Variants in EXTL3 observed in about 807,000 individuals in gnomAD.
The protein encoded by EXTL3 is exostosin like glycosyltransferase 3.
Under a neutral mutation model 69.3 loss-of-function variants are expected in EXTL3, and 27 were observed. The observed-to-expected ratio is 0.39, with a 90% CI of 0.29 to 0.54. The LOEUF is 0.54. Among genes scored for constraint, EXTL3 ranks in the 20% least tolerant of loss-of-function variants. The pLI, the probability that EXTL3 is intolerant of heterozygous loss-of-function variation, is 0.69. For missense variants in EXTL3, 1,003 were observed against 1,231.8 expected (o/e 0.81, Z 2.78); for synonymous variants, 511 against 499.4 (o/e 1.02, Z -0.31).
intron 1 of EXTL3, among the ~76,000 whole-genome samples, chr8:28,650,281 G>T (rs1044977972): frequency 2.0e-5 from 3 of 151,240 alleles, no homozygotes; most frequent in Admixed American, 1.3e-4. Flanking sequence ...TCTGTGATTG[G>T]TGTGAGGTAG....
chr8:28,738,481 A>G (rs568779563), intron 5 of EXTL3, among the ~76,000 whole-genome samples: 11 of 152,324 alleles, frequency 7.2e-5, no homozygotes, highest in Non-Finnish European at 1.5e-4. Flanking sequence ...TTTACTTTTT[A>G]ACGATGTAGC....
chr8:28,718,250 A>G, intron 3 of EXTL3, 43 bp downstream of exon 3: 1 of 1,581,252 alleles, frequency 6.3e-7, no homozygotes, highest in South Asian at 1.1e-5. Context: ...ATGAAATAGT[A>G]TTTCACTCTT....
chr8:28,694,645 G>T (rs1800659812), intron 1 of EXTL3, among the ~76,000 whole-genome samples: 1 of 149,494 alleles, frequency 6.7e-6, no homozygotes, highest in African/African-American at 2.4e-5. Context: ...GACTAATAAT[G>T]GTCCTTATTG....
chr8:28,719,579 A>G (rs1213257548), intron 3 of EXTL3, among the ~76,000 whole-genome samples: 2 of 152,214 alleles, frequency 1.3e-5, no homozygotes, highest in African/African-American at 4.8e-5. Context: ...TTATAATTAG[A>G]AGCTATTCAA....
intron 1 of EXTL3, among the ~76,000 whole-genome samples, chr8:28,626,092 A>C (rs1806486536): frequency 6.8e-6 from 1 of 146,670 alleles, no homozygotes; most frequent in South Asian, 2.2e-4. Flanking sequence ...GGATCTCTTG[A>C]GTCCAGGAGG....
intron 1 of EXTL3, among the ~76,000 whole-genome samples, chr8:28,657,769 A>G (rs1396693028): frequency 6.6e-6 from 1 of 152,184 alleles, no homozygotes; most frequent in Non-Finnish European, 1.5e-5. Flanking sequence ...ACTTGAAGCC[A>G]GTAGCATTCA....
intron 1 of EXTL3, among the ~76,000 whole-genome samples, chr8:28,634,740 G>A (rs1414460164): frequency 5.9e-5 from 9 of 152,060 alleles, no homozygotes; most frequent in African/African-American, 1.9e-4. Context: ...GATTACAGGC[G>A]TGCACCACCA....
chr8:28,698,525 G>C (rs1800720048), upstream of EXTL3: 1 of 152,214 alleles, frequency 6.6e-6, no homozygotes, highest in Non-Finnish European at 1.5e-5. Flanking sequence ...CTTATTGCCT[G>C]GCAATTAAGT....
rs779860461 is a variant in EXTL3 at position 28,716,990 on chromosome 8, G to A, written c.931G>A (p.Gly311Ser). The A allele has an allele frequency of 1.9e-6, 3 of 1,614,220 alleles. No individual in the cohort carries two copies. The highest frequency in any genetic ancestry group is 1.7e-5 in the Admixed American group (1 of 60,030). Residue 311 changes from glycine (G) to serine (S), a missense_variant, in exon 3 of 7, where the codon GGC (glycine) becomes AGC (serine). By Grantham distance (56) the Gly-to-Ser change is moderately conservative. This residue lies in a region of EXTL3 where 742 missense variants were observed against 815.4 expected (regional missense o/e 0.91). Coordinates refer to ENST00000220562, the MANE Select transcript of EXTL3 (RefSeq NM_001440.4). This position sits in a 1 kb window ranked among gnomAD's most constrained non-coding sequence, Gnocchi z 7.1. ...STFYTVQYRP[G>S]FDLVVSPLVH... Reference sequence around the variant, plus strand: ...CTTCTACACTGTCCAGTACAGACCTGGCTTTGACTTGGTCGTATCACCGCT... The same window carrying A: ...CTTCTACACTGTCCAGTACAGACCTAGCTTTGACTTGGTCGTATCACCGCT...
chr8:28,751,774 C>G lies in EXTL3; in HGVS notation c.*908C>G, dbSNP rs1358493593. 1 of 152,298 alleles carries G rather than the reference C, an allele frequency of 6.6e-6. No homozygotes were observed. Among genetic ancestry groups the G allele is most frequent in the East Asian group, 1.9e-4 (1 of 5,198 alleles). 9.4% of individuals were successfully genotyped at this position (152,298 alleles called of 1,614,324 possible). On this transcript the variant is annotated 3_prime_UTR_variant, in exon 7 of 7. Coordinates refer to ENST00000220562, the MANE Select transcript of EXTL3 (RefSeq NM_001440.4). ...AGATGGCTCTTTCTATCCTGCTCTT[C>G]TGTTGAAACACACGTGCTGTGGGCC... is the stretch of plus-strand genomic sequence containing the variant.
At chr8:28,650,245 TAC>T (rs1299181530) in intron 1 of EXTL3, among the ~76,000 whole-genome samples, 3 of 151,912 alleles carry the variant, frequency 2.0e-5, no homozygotes, top group Non-Finnish European at 4.4e-5. Context: ...GGCCTCTCTT[TAC>T]CTCTCCCCAA....
intron 1 of EXTL3, among the ~76,000 whole-genome samples, chr8:28,712,849 C>CTT: frequency 6.6e-6 from 1 of 152,324 alleles, no homozygotes; most frequent in South Asian, 2.1e-4. Context: ...AAATATTAGA[C>CTT]TAACTATAGT....
chr8:28,666,546 C>T (rs1055289603), intron 1 of EXTL3, among the ~76,000 whole-genome samples: 2 of 152,016 alleles, frequency 1.3e-5, no homozygotes, highest in African/African-American at 2.4e-5. Flanking sequence ...GGACTATAGG[C>T]GTGCTTACGC....
intron 2 of EXTL3, among the ~76,000 whole-genome samples, chr8:28,714,799 C>T (rs1161457823): frequency 6.6e-6 from 1 of 152,244 alleles, no homozygotes; most frequent in Non-Finnish European, 1.5e-5. Flanking sequence ...CTCCCATCCA[C>T]TGCACTTTGT....
At chr8:28,659,735 C>T (rs1807077155) in intron 1 of EXTL3, among the ~76,000 whole-genome samples, 1 of 152,168 alleles carries the variant, frequency 6.6e-6, no homozygotes, top group African/African-American at 2.4e-5. Context: ...AGCAAGAGAA[C>T]AAAGAGCTGC....
chr8:28,620,622 T>C (rs1806398405), upstream of EXTL3, among the ~76,000 whole-genome samples: 1 of 152,258 alleles, frequency 6.6e-6, no homozygotes, highest in Non-Finnish European at 1.5e-5. Context: ...ATCTCGCAGT[T>C]AAACTGGAAA....
chr8:28,625,069 TA>T (rs1241021834), intron 1 of EXTL3, among the ~76,000 whole-genome samples: 1 of 152,220 alleles, frequency 6.6e-6, no homozygotes, highest in African/African-American at 2.4e-5. Context: ...AGGTAAACTT[TA>T]AAAACTGACC....
intron 1 of EXTL3, among the ~76,000 whole-genome samples, chr8:28,661,317 G>C (rs1405448917): frequency 6.6e-6 from 1 of 151,592 alleles, no homozygotes; most frequent in Non-Finnish European, 1.5e-5. Flanking sequence ...TTCATGTTGA[G>C]GCTTTATGTA....
chr8:28,727,900 A>G (rs1801447392), intron 3 of EXTL3, among the ~76,000 whole-genome samples: 1 of 152,166 alleles, frequency 6.6e-6, no homozygotes, highest in Admixed American at 6.5e-5. Context: ...TGAACTCTGA[A>G]GCTCCTTGCT....
Sources: gnomAD v4.1 joint callset for allele counts (sites outside exome capture counted in the v4.1 genomes callset) on GRCh38, gnomAD v4.1.1 for gene constraint, gnomAD v4.1.1 regional missense constraint, Gnocchi (gnomAD v3.1) non-coding constraint, MANE v1.5 for transcripts, NCBI Gene and HGNC (gene_info 2026-07-23, HGNC 2026-07-21) for gene names.